Variants in AFAP1L1 observed in about 807,000 individuals in gnomAD.
AFAP1L1 encodes actin filament-associated protein 1-like 1.
A neutral mutation model predicts 99.8 loss-of-function variants in AFAP1L1; 77 were observed. That is an observed-to-expected ratio of 0.77 (90% CI 0.64 to 0.93). The LOEUF is 0.93. AFAP1L1 is among the 40% of genes least tolerant of loss of function. The probability of loss-of-function intolerance (pLI) is 0.00; values close to 1 mark genes in which losing one functional copy is unlikely to be tolerated. For synonymous variants in AFAP1L1, 373 were observed against 395.3 expected (o/e 0.94, Z 0.67); for missense variants, 893 against 996.8 (o/e 0.90, Z 1.40).
At chr5:149,306,481 G>A (rs1315232547) in intron 6 of AFAP1L1, 77 bp downstream of exon 6, 32 of 1,335,138 alleles carry the variant, frequency 2.4e-5, no homozygotes, top group Non-Finnish European at 3.2e-5. Context: ...CTGGCCCTTA[G>A]CATGGGTGTG....
At chr5:149,310,847 G>A (rs570567692) in intron 8 of AFAP1L1, among the ~76,000 whole-genome samples, 33 of 152,288 alleles carry the variant, frequency 2.2e-4, no homozygotes, top group African/African-American at 7.9e-4. Context: ...AGGGGACTTT[G>A]TGGCACCCAT....
At chr5:149,316,476 C>CT (rs1373096785) in intron 11 of AFAP1L1, among the ~76,000 whole-genome samples, 173 bp downstream of exon 11, 1 of 152,180 alleles carries the variant, frequency 6.6e-6, no homozygotes, top group Admixed American at 6.5e-5. Flanking sequence ...CTTCCCATCA[C>CT]TTTCCTTCCC....
chr5:149,330,424 A>T (rs1409384471), intron 16 of AFAP1L1, among the ~76,000 whole-genome samples: 1 of 152,212 alleles, frequency 6.6e-6, no homozygotes, highest in Non-Finnish European at 1.5e-5. Flanking sequence ...TCTATATAAC[A>T]TGTCCACAAA....
chr5:149,275,223 G>T (rs1755274434), intron 1 of AFAP1L1, among the ~76,000 whole-genome samples: 1 of 152,206 alleles, frequency 6.6e-6, no homozygotes, highest in South Asian at 2.1e-4. Context: ...GGCTCAGCCA[G>T]GGTATTAGCC....
At chr5:149,339,007 C>A (rs971515822) in intron 18 of AFAP1L1, among the ~76,000 whole-genome samples, 8 of 152,134 alleles carry the variant, frequency 5.3e-5, no homozygotes, top group Non-Finnish European at 1.2e-4. Context: ...GGGGCCAGAT[C>A]ATCTAGAGCA....
Position 149,332,835 on chromosome 5 carries a change from G to A in AFAP1L1, c.2116G>A (p.Ala706Thr). 2 of 1,610,274 alleles carry A rather than the reference G, an allele frequency of 1.2e-6. No individual in the cohort carries two copies. The highest frequency in any genetic ancestry group is 8.5e-7 in the Non-Finnish European group (1 of 1,179,062). Reference protein sequence around the residue: ...RLQQSLAGGPALGLSVSSKPK... With the variant: ...RLQQSLAGGPTLGLSVSSKPK... ...GCAGCAGTCCCTGGCAGGAGGGCCA[G>A]CCCTGGGGCTCTCCGTGAGCAGCAA... Residue 706 changes from alanine to threonine, a missense_variant, in exon 17 of 19, where the codon GCC becomes ACC. Coordinates refer to ENST00000296721, the MANE Select transcript of AFAP1L1 (RefSeq NM_152406.4).
At chr5:149,321,514 G>A (rs1379708039) in intron 14 of AFAP1L1, among the ~76,000 whole-genome samples, 1 of 149,508 alleles carries the variant, frequency 6.7e-6, no homozygotes, top group East Asian at 2.0e-4. Context: ...ATCACTTGAG[G>A]CCAGGAGCTC....
chr5:149,326,047 G>A (rs1213862667), intron 15 of AFAP1L1, among the ~76,000 whole-genome samples: 1 of 152,156 alleles, frequency 6.6e-6, no homozygotes, highest in African/African-American at 2.4e-5. Context: ...CAGAGATTTT[G>A]CCGAGTGGGG....
rs1756526969 is a variant in AFAP1L1, at chr5:149,309,036, G to T, written c.748-920G>T. On this transcript the variant is annotated intron_variant, in intron 7 of 18. Transcript: ENST00000296721. The stretch of plus-strand genomic sequence containing the variant: ...TGAGGCAGGAAGATTGCTTGAGCCT[G>T]GGAGTTTGAAGCTGCAGTGAGCTAT... Among the ~76,000 whole-genome samples the T allele has an allele frequency of 2.0e-5, 3 of 152,066 alleles. No individual in the cohort carries two copies. The South Asian group carries it at 6.2e-4, about 32-fold the overall frequency.
At chr5:149,296,674 C>T (rs926501534) in intron 1 of AFAP1L1, among the ~76,000 whole-genome samples, 1 of 152,246 alleles carries the variant, frequency 6.6e-6, no homozygotes, top group Admixed American at 6.5e-5. Flanking sequence ...GCCAGGCTGA[C>T]ACATAGTTAG....
intron 18 of AFAP1L1, among the ~76,000 whole-genome samples, chr5:149,339,450 C>T (rs967197839): frequency 7.9e-5 from 12 of 152,184 alleles, no homozygotes; most frequent in African/African-American, 2.9e-4. Flanking sequence ...CCTCGGCCTC[C>T]CAAAGTGCTG....
At chr5:149,337,719 T>C (rs1757444691) in intron 18 of AFAP1L1, among the ~76,000 whole-genome samples, 1 of 152,156 alleles carries the variant, frequency 6.6e-6, no homozygotes, top group African/African-American at 2.4e-5. Context: ...GCCCTGTTAA[T>C]GTAAGAAGAT....
intron 4 of AFAP1L1, among the ~76,000 whole-genome samples, chr5:149,301,678 C>T (rs961829516): frequency 3.9e-5 from 6 of 152,166 alleles, no homozygotes; most frequent in Admixed American, 2.0e-4. Flanking sequence ...CTTCTCTGAG[C>T]CTGAGTTTGT....
At chr5:149,287,264 A>C (rs1047635687) in intron 1 of AFAP1L1, among the ~76,000 whole-genome samples, 3 of 152,190 alleles carry the variant, frequency 2.0e-5, no homozygotes, top group South Asian at 2.1e-4. Flanking sequence ...ATTTAAAATA[A>C]TATTTTCAGG....
intron 3 of AFAP1L1, 46 bp from the exon 4 acceptor site, chr5:149,301,087 C>G (rs1365360717): frequency 6.3e-7 from 1 of 1,578,026 alleles, no homozygotes; most frequent in Middle Eastern, 1.7e-4. Flanking sequence ...CTGGTCTGTG[C>G]TGCTCATCCT....
intron 1 of AFAP1L1, among the ~76,000 whole-genome samples, chr5:149,289,165 C>T (rs186275438): frequency 4.4e-4 from 67 of 152,282 alleles, no homozygotes; most frequent in Non-Finnish European, 6.6e-4. Context: ...AAATTACGTA[C>T]GGGCAAATGG....
chr5:149,278,374 T>C (rs568675738), intron 1 of AFAP1L1, among the ~76,000 whole-genome samples: 3 of 152,310 alleles, frequency 2.0e-5, no homozygotes, highest in South Asian at 4.2e-4. Context: ...CCACTTCCAT[T>C]GGACCAAAGT....
Position 149,272,004 on chromosome 5 carries a change from C to T in AFAP1L1, c.16+20C>T. ...GCCAGGGTAAGAGGGGCCGCGACGC[C>T]CGCACTTGTTGCGGCGCCGGGCGGG... is the stretch of plus-strand genomic sequence containing the variant. On this transcript the variant is annotated intron_variant, in intron 1 of 18. Transcript: ENST00000296721. The T allele has an allele frequency of 8.1e-7, 1 of 1,239,688 alleles. No individual in the cohort carries two copies. The highest frequency in any genetic ancestry group is 1.0e-6 in the Non-Finnish European group (1 of 988,010). 76.8% of individuals were successfully genotyped at this position (1,239,688 alleles called of 1,614,324 possible).
At chr5:149,291,668 C>T (rs916795240) in intron 1 of AFAP1L1, among the ~76,000 whole-genome samples, 5 of 151,954 alleles carry the variant, frequency 3.3e-5, no homozygotes, top group South Asian at 2.1e-4. Context: ...CTTTTCTTTC[C>T]AGGGCGACTT....
Sources: allele counts gnomAD v4.1 joint callset (sites outside exome capture counted in the v4.1 genomes callset), GRCh38; gene constraint gnomAD v4.1.1; transcripts MANE v1.5; gene names NCBI Gene and HGNC (gene_info 2026-07-23, HGNC 2026-07-21).